Variants in LRIG2 observed in about 807,000 individuals in gnomAD.
LRIG2 encodes leucine rich repeats and immunoglobulin like domains 2, also known as leucine-rich repeats and immunoglobulin-like domains protein 2.
A neutral mutation model predicts 107.8 loss-of-function variants in LRIG2; 93 were observed. The ratio of observed to expected loss-of-function variants is 0.86; its 90% CI spans 0.73 to 1.03. The LOEUF is 1.03. LRIG2 is among the 50% of genes least tolerant of loss of function. The probability of loss-of-function intolerance (pLI) is 0.00; values close to 1 mark genes in which losing one functional copy is unlikely to be tolerated. For synonymous variants in LRIG2, 471 were observed against 470.6 expected (o/e 1.00, Z -0.01); for missense variants, 1,226 against 1,296.0 (o/e 0.95, Z 0.83).
chr1:113,111,071 G>C (rs966340883), intron 13 of LRIG2, among the ~76,000 whole-genome samples: 5 of 152,036 alleles, frequency 3.3e-5, no homozygotes, highest in African/African-American at 4.8e-5. Flanking sequence ...GTCTCGCTCT[G>C]TCGCCCAGGA....
At chr1:113,088,765 G>A (rs879544771) in intron 1 of LRIG2, among the ~76,000 whole-genome samples, 3 of 152,110 alleles carry the variant, frequency 2.0e-5, no homozygotes, top group Non-Finnish European at 4.4e-5. Flanking sequence ...ATTTCTCCTT[G>A]AGTCAAAACA....
intron 11 of LRIG2, among the ~76,000 whole-genome samples, chr1:113,107,248 T>C (rs1479501108): frequency 6.6e-6 from 1 of 152,196 alleles, no homozygotes; most frequent in Non-Finnish European, 1.5e-5. Flanking sequence ...TAAGGTAATA[T>C]TAACTAATAC....
Position 113,112,765 on chromosome 1 carries a change from G to T in LRIG2, c.2080+5G>T, listed in dbSNP as rs761754680. 6.3e-7 allele frequency: 1 copy of T among 1,589,862 alleles called. No individual in the cohort carries two copies. The highest frequency in any genetic ancestry group is 1.1e-5 in the South Asian group (1 of 89,792). ...ATGCTTCCCTAACAGTGTTAGGTAC[G>T]TTTACTGCTCCATGGGTCCCTGCTT... On this transcript the variant is annotated splice_donor_5th_base_variant and intron_variant, in intron 14 of 17. Coordinates refer to ENST00000361127, the MANE Select transcript of LRIG2 (RefSeq NM_014813.3).
Position 113,089,676 on chromosome 1 carries a change from C to CTTTTTTTTT in LRIG2, c.240-1628_240-1620dup, listed in dbSNP as rs35515644. Among the ~76,000 whole-genome samples, 42 of 71,684 alleles carry CTTTTTTTTT rather than the reference C, an allele frequency of 5.9e-4. 1 individual carries two copies. Among genetic ancestry groups the CTTTTTTTTT allele is most frequent in the Non-Finnish European group, 7.6e-4 (30 of 39,512 alleles). The allele number at this position is 71,684 out of a possible 152,430, so 47.0% of individuals were successfully genotyped here. A position where few individuals can be genotyped will look rare whatever the true frequency, so the allele number is the denominator to read the frequency against. ...ATTTCCTCTTACTGAAGGTGGATTGCTTTTTTTTTTTTTTTTTTTTTTGGA... is the reference window on the plus strand; with the variant it reads ...ATTTCCTCTTACTGAAGGTGGATTGCTTTTTTTTTTTTTTTTTTTTTTTTTTTTTTTGGA... On this transcript the variant is annotated intron_variant, in intron 1 of 17. Coordinates refer to ENST00000361127, the MANE Select transcript of LRIG2 (RefSeq NM_014813.3).
chr1:113,092,648 C>T (rs972888311), intron 2 of LRIG2, among the ~76,000 whole-genome samples: 4 of 152,140 alleles, frequency 2.6e-5, no homozygotes, highest in Admixed American at 2.0e-4. Flanking sequence ...GTGCAAAATA[C>T]TTCATAACCT....
chr1:113,093,653 T>C (rs1653923579), intron 4 of LRIG2, 89 bp downstream of exon 4: 25 of 631,260 alleles, frequency 4.0e-5, no homozygotes, highest in South Asian at 3.7e-4. Flanking sequence ...GGGATAGCAC[T>C]GGGAGATATA....
chr1:113,106,901 GT>G (rs1245613884), intron 11 of LRIG2, among the ~76,000 whole-genome samples: 12 of 152,124 alleles, frequency 7.9e-5, no homozygotes, highest in Admixed American at 7.9e-4. Flanking sequence ...TATAGTAAGT[GT>G]TTCCCCATAC....
intron 1 of LRIG2, among the ~76,000 whole-genome samples, chr1:113,086,834 T>G (rs1268435114): frequency 6.6e-6 from 1 of 152,236 alleles, no homozygotes; most frequent in Non-Finnish European, 1.5e-5. Flanking sequence ...TGAGAGACCT[T>G]TACTCCTCTG....
In LRIG2 at chr1:113,114,534, A is replaced by C. The variant is rs1465204399; in HGVS notation, c.2188A>C (p.Thr730Pro). The C allele has an allele frequency of 6.2e-7, 1 of 1,614,080 alleles. No homozygotes were observed. Among genetic ancestry groups the C allele is most frequent in the Middle Eastern group, 1.6e-4 (1 of 6,062 alleles). Residue 730 changes from threonine to proline, a missense_variant, in exon 15 of 18, where the codon ACT becomes CCT. Thr to Pro is a conservative substitution (Grantham distance 38). This residue lies in a region of LRIG2 where 642 missense variants were observed against 712.2 expected (regional missense o/e 0.90). Coordinates refer to ENST00000361127, the MANE Select transcript of LRIG2 (RefSeq NM_014813.3). ...GGSPAPRLNW[T>P]KDDGPLLVTE... Reference sequence around the variant, plus strand: ...GAGTCCTGCCCCTCGTCTCAACTGGACTAAAGATGATGGGCCTTTGCTGGT... The same window carrying C: ...GAGTCCTGCCCCTCGTCTCAACTGGCCTAAAGATGATGGGCCTTTGCTGGT...
At chr1:113,087,410 A>G (rs1342222562) in intron 1 of LRIG2, among the ~76,000 whole-genome samples, 1 of 152,168 alleles carries the variant, frequency 6.6e-6, no homozygotes, top group Non-Finnish European at 1.5e-5. Context: ...GTGCAGTGGC[A>G]CGATCGCAGC....
chr1:113,122,075 C>CTTTTTTTTTTT (rs758568453), intron 17 of LRIG2, among the ~76,000 whole-genome samples: 6 of 87,054 alleles, frequency 6.9e-5, no homozygotes, highest in East Asian at 3.9e-4. Context: ...TTAGGCTCAC[C>CTTTTTTTTTTT]TTTTTTTTTT....
intron 1 of LRIG2, among the ~76,000 whole-genome samples, chr1:113,076,806 C>T (rs573957388): frequency 6.6e-6 from 1 of 152,240 alleles, no homozygotes; most frequent in South Asian, 2.1e-4. Context: ...CTTTATGCTT[C>T]TCTGTATGAG....
At position 113,112,652 on chromosome 1, in the gene LRIG2, G is replaced by T; in HGVS notation, c.1972G>T (p.Asp658Tyr). 6.2e-7 allele frequency: 1 copy of T among 1,614,134 alleles called. No individual in the cohort carries two copies. The highest frequency in any genetic ancestry group is 8.5e-7 in the Non-Finnish European group (1 of 1,180,012). ...ERRMHVMPEDDVFFIANVKIE... is the reference protein window; with the variant it reads ...ERRMHVMPEDYVFFIANVKIE... ...ACGCATGCACGTCATGCCCGAGGAT[G>T]ACGTCTTCTTTATTGCCAATGTGAA... is the stretch of plus-strand genomic sequence containing the variant. The change falls in exon 14 of 18, where the codon GAC becomes TAC. Residue 658 changes from aspartate to tyrosine, a missense_variant. By Grantham distance (160) the Asp-to-Tyr change is radical. Around this residue, in one of 3 missense-constraint regions of LRIG2, gnomAD observed 642 missense variants for 712.2 expected, o/e 0.90. Transcript: ENST00000361127.
intron 1 of LRIG2, among the ~76,000 whole-genome samples, chr1:113,082,733 A>C (rs541656614): frequency 6.6e-6 from 1 of 151,836 alleles, no homozygotes; most frequent in Non-Finnish European, 1.5e-5. Flanking sequence ...AGCTCACTGC[A>C]ACCTCCACCT....
chr1:113,098,489 A>G (rs1238835720), intron 8 of LRIG2, among the ~76,000 whole-genome samples: 2 of 152,228 alleles, frequency 1.3e-5, no homozygotes, highest in Non-Finnish European at 2.9e-5. Flanking sequence ...TTGTTAGCTT[A>G]TAAGAATCAG....
At position 113,091,357 on chromosome 1, in the gene LRIG2, CT is replaced by C. The variant is rs1653816191; in HGVS notation, c.281del (p.Leu94TrpfsTer9). On this transcript the variant is annotated frameshift_variant, in exon 2 of 18. Coordinates refer to ENST00000361127, the MANE Select transcript of LRIG2 (RefSeq NM_014813.3). LOFTEE classifies it high-confidence loss of function. The stretch of plus-strand genomic sequence containing the variant: ...ATCGGTTGTCTAACTGGAACATCAG[CT>C]TGGAATCACAAACATTACAGGAAGT... ...HNRLSNWNIS[L>X]ESQTLQEVKM... The C allele has an allele frequency of 1.2e-6, 2 of 1,602,434 alleles. No individual in the cohort carries two copies. Among genetic ancestry groups the C allele is most frequent in the Non-Finnish European group, 1.7e-6 (2 of 1,172,978 alleles).
chr1:113,120,111 A>C (rs1655179986), intron 17 of LRIG2, among the ~76,000 whole-genome samples: 2 of 151,830 alleles, frequency 1.3e-5, no homozygotes, highest in South Asian at 4.2e-4. Context: ...ACCCGGTATC[A>C]TATAGGGTAT....
intron 1 of LRIG2, among the ~76,000 whole-genome samples, chr1:113,085,797 A>G (rs938922524): frequency 1.3e-5 from 2 of 152,192 alleles, no homozygotes; most frequent in Non-Finnish European, 2.9e-5. Context: ...AGCCTGTTAC[A>G]GAAAGGAAGA....
At chr1:113,077,293 C>T (rs1222017023) in intron 1 of LRIG2, among the ~76,000 whole-genome samples, 1 of 152,054 alleles carries the variant, frequency 6.6e-6, no homozygotes, top group African/African-American at 2.4e-5. Flanking sequence ...AGGTGCCCTC[C>T]ACCATGCCCA....
Sources: gnomAD v4.1 joint callset for allele counts (sites outside exome capture counted in the v4.1 genomes callset) on GRCh38, gnomAD v4.1.1 for gene constraint, gnomAD v4.1.1 regional missense constraint, MANE v1.5 for transcripts, NCBI Gene and HGNC (gene_info 2026-07-23, HGNC 2026-07-21) for gene names.